ALK: variants seen among roughly 807,000 people sequenced by gnomAD.
The protein encoded by ALK is ALK receptor tyrosine kinase, also known as ALK tyrosine kinase receptor.
A neutral mutation model predicts 163.1 loss-of-function variants in ALK; 74 were observed. The observed-to-expected ratio is 0.45, with a 90% CI of 0.38 to 0.55. The LOEUF (loss-of-function observed/expected upper bound fraction) is 0.55, where lower values mean the gene tolerates loss of function less well. Ranked by LOEUF, ALK falls within the 20% of genes least tolerant of loss-of-function variation. The pLI, the probability that ALK is intolerant of heterozygous loss-of-function variation, is 0.00. For synonymous variants in ALK, 960 were observed against 843.2 expected, an observed-to-expected ratio of 1.14 and a Z score of -2.40; for missense variants, 2,063 against 2,105.3, an observed-to-expected ratio of 0.98 and a Z score of 0.39.
chr2:29,792,661 C>CTGCAATAAAGCAAGTAT (rs758722262), intron 1 of ALK, among the ~76,000 whole-genome samples: 1,874 of 152,036 alleles, frequency 0.012, 33 homozygotes, highest in African/African-American at 0.043. Context: ...TTCCAGACCA[C>CTGCAATAAAGCAAGTAT]TGCAATAAAG....
intron 1 of ALK, among the ~76,000 whole-genome samples, chr2:29,761,128 G>A (rs1472097388): frequency 2.0e-5 from 3 of 152,190 alleles, no homozygotes; most frequent in Admixed American, 6.5e-5. Flanking sequence ...CAGGGTTGAC[G>A]TGGCCTTAGT....
chr2:29,658,710 C>T (rs552681647), intron 3 of ALK, among the ~76,000 whole-genome samples: 1 of 152,186 alleles, frequency 6.6e-6, no homozygotes, highest in South Asian at 2.1e-4. Flanking sequence ...CATATTAATG[C>T]TAGTATATTT....
rs142144646 is a variant in ALK, at chr2:29,756,816, C to T, written c.668-39119G>A. Among the ~76,000 whole-genome samples, 603 of 152,244 alleles carry T rather than the reference C, an allele frequency of 4.0e-3. 5 individuals carry two copies. Among genetic ancestry groups the T allele is most frequent in the African/African-American group, 0.012 (519 of 41,546 alleles). ...TGCTGGGATTACAGGCATGAGCCAC[C>T]GCACCTGGCCCATTTATTCTTCAAA... On this transcript the variant is annotated intron_variant, in intron 1 of 28. Coordinates refer to ENST00000389048, the MANE Select transcript of ALK (RefSeq NM_004304.5).
chr2:29,674,925 T>G lies in ALK; in HGVS notation c.952+19925A>C, dbSNP rs552633079. ...TGGGAGAGTGTATGTGTCGAGGAAT[T>G]TATCCATTTCTTCTAGATTTTCTAG... On this transcript the variant is annotated intron_variant, in intron 3 of 28. Coordinates refer to ENST00000389048, the MANE Select transcript of ALK (RefSeq NM_004304.5). Among the ~76,000 whole-genome samples the G allele has an allele frequency of 5.7e-3, 762 of 133,830 alleles. 11 individuals are homozygous for G. Among genetic ancestry groups the G allele is most frequent in the African/African-American group, 0.02 (670 of 33,626 alleles). The allele number at this position is 133,830 out of a possible 152,430, so 87.8% of individuals were successfully genotyped here.
chr2:29,403,929 A>G (rs537088226), intron 4 of ALK, among the ~76,000 whole-genome samples: 353 of 152,058 alleles, frequency 2.3e-3, no homozygotes, highest in Non-Finnish European at 4.1e-3. Flanking sequence ...AAATTTTTTT[A>G]TTGACTCCTG....
At chr2:29,512,055 T>C (rs1672536361) in intron 4 of ALK, among the ~76,000 whole-genome samples, 1 of 152,228 alleles carries the variant, frequency 6.6e-6, no homozygotes, top group African/African-American at 2.4e-5. Flanking sequence ...AAGTTTTAAA[T>C]TTTGATAAAT....
chr2:29,858,243 C>A (rs1666193766), intron 1 of ALK, among the ~76,000 whole-genome samples: 1 of 152,262 alleles, frequency 6.6e-6, no homozygotes, highest in African/African-American at 2.4e-5. Flanking sequence ...ACCCAGTAAC[C>A]ACTAATCTCC....
chr2:29,780,276 C>G (rs897114120), intron 1 of ALK, among the ~76,000 whole-genome samples: 2 of 152,160 alleles, frequency 1.3e-5, no homozygotes, highest in Non-Finnish European at 2.9e-5. Flanking sequence ...CTGAGATTGC[C>G]AGGGGACAGA....
intron 1 of ALK, among the ~76,000 whole-genome samples, chr2:29,772,863 G>A (rs766881560): frequency 3.3e-5 from 5 of 152,142 alleles, no homozygotes; most frequent in Non-Finnish European, 5.9e-5. Flanking sequence ...TTCCTACCTG[G>A]TCTCATGATC....
intron 5 of ALK, among the ~76,000 whole-genome samples, chr2:29,362,534 A>T (rs1668410440): frequency 2.0e-5 from 3 of 152,102 alleles, no homozygotes; most frequent in Non-Finnish European, 4.4e-5. Flanking sequence ...AGGGAAGGAG[A>T]GTTTGGAGAG....
At chr2:29,523,868 T>C (rs1040756955) in intron 4 of ALK, among the ~76,000 whole-genome samples, 55,891 of 121,918 alleles carry the variant, frequency 0.46, 14,864 homozygotes, top group East Asian at 0.62. Context: ...GTTTTTTTTT[T>C]TTTTTTTTTT....
At chr2:29,807,264 A>C (rs1232698709) in intron 1 of ALK, among the ~76,000 whole-genome samples, 3 of 152,220 alleles carry the variant, frequency 2.0e-5, no homozygotes, top group African/African-American at 4.8e-5. Flanking sequence ...GAGGAGACGA[A>C]TCTCTCCCCA....
chr2:29,665,161 ATT>A (rs1370167058), intron 3 of ALK, among the ~76,000 whole-genome samples: 3 of 151,238 alleles, frequency 2.0e-5, no homozygotes, highest in African/African-American at 7.3e-5. Context: ...TAATTCTTGT[ATT>A]TTTTGTAAAG....
chr2:29,506,135 C>T (rs1180280510), intron 4 of ALK, among the ~76,000 whole-genome samples: 1 of 152,124 alleles, frequency 6.6e-6, no homozygotes, highest in Non-Finnish European at 1.5e-5. Flanking sequence ...TAAGTCTCTG[C>T]GAGAGATAGT....
intron 3 of ALK, among the ~76,000 whole-genome samples, chr2:29,651,650 G>A (rs1012569009): frequency 2.6e-5 from 4 of 152,250 alleles, no homozygotes; most frequent in East Asian, 1.9e-4. Flanking sequence ...TGCACAACTC[G>A]AGGAGGCGTC....
intron 15 of ALK, among the ~76,000 whole-genome samples, chr2:29,229,538 G>T (rs553813324): frequency 2.0e-5 from 3 of 152,196 alleles, no homozygotes; most frequent in African/African-American, 7.2e-5. Flanking sequence ...TTGCACTAAA[G>T]TTCCTTGCAG....
chr2:29,558,236 A>G (rs1209739763), intron 3 of ALK, among the ~76,000 whole-genome samples: 2 of 152,220 alleles, frequency 1.3e-5, no homozygotes, highest in Non-Finnish European at 2.9e-5. Flanking sequence ...CAGAGACAGA[A>G]AACTTTAGAC....
intron 3 of ALK, among the ~76,000 whole-genome samples, chr2:29,583,035 G>GTTTTTTTTTTTTTTTTTTTTTTTTTTT (rs10637189): frequency 1.9e-5 from 2 of 108,032 alleles, no homozygotes. Flanking sequence ...GCTAACTTTT[G>GTTTTTTTTTTTTTTTTTTTTTTTTTTT]TTTTTTGTTT....
intron 15 of ALK, among the ~76,000 whole-genome samples, chr2:29,231,788 C>A (rs1664215582): frequency 6.6e-6 from 1 of 152,222 alleles, no homozygotes; most frequent in Admixed American, 6.5e-5. Context: ...CTCTTCCCTG[C>A]CTGTCTCACA....
Sources: gnomAD v4.1 joint callset for allele counts (sites outside exome capture counted in the v4.1 genomes callset) on GRCh38, gnomAD v4.1.1 for gene constraint, MANE v1.5 for transcripts, NCBI Gene and HGNC (gene_info 2026-07-23, HGNC 2026-07-21) for gene names.